The following USP15 variants were observed in gnomAD, a reference collection of about 807,000 sequenced individuals.
USP15 encodes the protein ubiquitin specific peptidase 15, also known as ubiquitin carboxyl-terminal hydrolase 15.
Under a neutral mutation model 127.1 loss-of-function variants are expected in USP15, and 18 were observed. The ratio of observed to expected loss-of-function variants is 0.14; its 90% CI spans 0.10 to 0.21. The LOEUF (loss-of-function observed/expected upper bound fraction) is 0.21. Among genes scored for constraint, USP15 ranks in the 10% least tolerant of loss-of-function variants. The pLI, the probability that USP15 is intolerant of heterozygous loss-of-function variation, is 1.00. For synonymous variants in USP15, 364 were observed against 393.7 expected (o/e 0.92, Z 0.89); for missense variants, 805 against 1,159.9 (o/e 0.69, Z 4.44).
At chr12:62,384,979 T>C (rs2067102796) in intron 11 of USP15, among the ~76,000 whole-genome samples, 1 of 151,928 alleles carries the variant, frequency 6.6e-6, no homozygotes, top group Non-Finnish European at 1.5e-5. Context: ...TTAATCCTCT[T>C]CTGACACTTG....
chr12:62,373,888 C>A (rs573847692), intron 8 of USP15, among the ~76,000 whole-genome samples: 1 of 151,936 alleles, frequency 6.6e-6, no homozygotes, highest in South Asian at 2.1e-4. Context: ...TTTTAAAAAT[C>A]TGCTTGATGA....
At chr12:62,314,738 G>A in intron 3 of USP15, 52 bp from the exon 4 acceptor site, 2 of 1,400,014 alleles carry the variant, frequency 1.4e-6, no homozygotes, top group South Asian at 1.9e-5. Context: ...TGTTATTAGA[G>A]TGAAATATAT....
At chr12:62,346,499 TTGA>T (rs1158365515) in intron 6 of USP15, among the ~76,000 whole-genome samples, 1 of 152,178 alleles carries the variant, frequency 6.6e-6, no homozygotes, top group Non-Finnish European at 1.5e-5. Context: ...AAAAAGGGTC[TTGA>T]TGACCCCCAG....
At position 62,408,902 on chromosome 12, in the gene USP15, C is replaced by T. The variant is rs1565927628; in HGVS notation, c.*4527C>T. On this transcript the variant is annotated 3_prime_UTR_variant, in exon 22 of 22. Transcript: ENST00000280377. Reference sequence around the variant, plus strand: ...ATTTACTATATATTAAAAGAATTTCCAAATAGCTCAGATAAGAAAACTTTG... The same window carrying T: ...ATTTACTATATATTAAAAGAATTTCTAAATAGCTCAGATAAGAAAACTTTG... 1 of 151,758 alleles carries T rather than the reference C, an allele frequency of 6.6e-6. No individual in the cohort carries two copies. Among genetic ancestry groups the T allele is most frequent in the African/African-American group, 2.4e-5 (1 of 41,310 alleles). The allele number at this position is 151,758 out of a possible 1,614,324, so 9.4% of individuals were successfully genotyped here.
chr12:62,391,575 T>C (rs2067326937), intron 16 of USP15, 146 bp downstream of exon 16: 1 of 1,052,604 alleles, frequency 9.5e-7, no homozygotes, highest in African/African-American at 1.6e-5. Context: ...ACTTAATATC[T>C]AAGTAGACTA....
rs370322488 is a variant in USP15, at chr12:62,365,200, C to T, written c.915+9725C>T. ...CAGTGTAAAAGCATTCCTATTTCTC[C>T]ACATCCTTTCCAGCATCTGTTGTTT... On this transcript the variant is annotated intron_variant, in intron 8 of 21. Coordinates refer to ENST00000280377, the MANE Select transcript of USP15 (RefSeq NM_001252078.2). Among the ~76,000 whole-genome samples the T allele has an allele frequency of 6.6e-5, 10 of 152,160 alleles. No homozygotes were observed. The South Asian group carries it at 1.7e-3, about 25-fold the overall frequency.
intron 8 of USP15, among the ~76,000 whole-genome samples, chr12:62,364,082 C>T (rs12310616): frequency 0.33 from 49,786 of 151,746 alleles, 8,609 homozygotes; most frequent in African/African-American, 0.45. Flanking sequence ...ATCTGCGTGT[C>T]GTAGGTGGTG....
intron 1 of USP15, among the ~76,000 whole-genome samples, chr12:62,273,135 AAAGTCC>A (rs530560538): frequency 0.022 from 3,342 of 152,072 alleles, 123 homozygotes; most frequent in African/African-American, 0.075. Flanking sequence ...CAAAATTCCC[AAAGTCC>A]TTCTGGCCTT....
chr12:62,386,302 G>C (rs1372115248), intron 11 of USP15, among the ~76,000 whole-genome samples: 1 of 151,710 alleles, frequency 6.6e-6, no homozygotes, highest in Non-Finnish European at 1.5e-5. Flanking sequence ...TATTTGTTGA[G>C]TTTTCCCGTC....
intron 11 of USP15, among the ~76,000 whole-genome samples, chr12:62,385,417 C>CA (rs2067117172): frequency 6.6e-6 from 1 of 151,922 alleles, no homozygotes; most frequent in South Asian, 2.1e-4. Context: ...TCAACAAAGA[C>CA]AGGGTATATG....
chr12:62,409,605 T>TA lies in USP15; in HGVS notation c.*5231dup, dbSNP rs1176385236. On this transcript the variant is annotated 3_prime_UTR_variant, in exon 22 of 22. Coordinates refer to ENST00000280377, the MANE Select transcript of USP15 (RefSeq NM_001252078.2). ...TGTCAGGAACTTGCAGCTTGTTCTA[T>TA]ATAGTTTGGTGAAACAAACAAAACA... 1.3e-5 allele frequency: 2 copies of TA among 152,198 alleles called. No homozygotes were observed. The highest frequency in any genetic ancestry group is 4.8e-5 in the African/African-American group (2 of 41,472). The allele number at this position is 152,198 out of a possible 1,614,324, so 9.4% of individuals were successfully genotyped here.
intron 3 of USP15, chr12:62,305,855 T>C (rs2064470288): frequency 1.3e-5 from 2 of 152,200 alleles, no homozygotes; most frequent in South Asian, 4.1e-4. Context: ...TCATGGTACA[T>C]CGCTTTCGAG....
At chr12:62,307,762 T>C (rs2064528534) in intron 3 of USP15, among the ~76,000 whole-genome samples, 1 of 152,108 alleles carries the variant, frequency 6.6e-6, no homozygotes, top group African/African-American at 2.4e-5. Flanking sequence ...TTAGTAGCCA[T>C]CTTGGTTATC....
intron 6 of USP15, among the ~76,000 whole-genome samples, chr12:62,348,910 C>G (rs1273283292): frequency 2.0e-5 from 3 of 151,856 alleles, no homozygotes; most frequent in African/African-American, 7.3e-5. Flanking sequence ...GGAAATTGAT[C>G]GTAAAATGTT....
intron 1 of USP15, among the ~76,000 whole-genome samples, chr12:62,280,138 T>G (rs1362534367): frequency 1.3e-5 from 2 of 152,172 alleles, no homozygotes; most frequent in Non-Finnish European, 2.9e-5. Context: ...ATATTAGTGA[T>G]TTTGTTATTA....
At chr12:62,367,142 C>T (rs117977260) in intron 8 of USP15, among the ~76,000 whole-genome samples, 4,557 of 152,106 alleles carry the variant, frequency 0.03, 88 homozygotes, top group Middle Eastern at 0.065. Context: ...TGGTAGAATT[C>T]GGCTATGAAT....
At chr12:62,268,677 C>T (rs1307967707) in intron 1 of USP15, among the ~76,000 whole-genome samples, 1 of 152,144 alleles carries the variant, frequency 6.6e-6, no homozygotes, top group African/African-American at 2.4e-5. Flanking sequence ...CTAAAACCAC[C>T]TCTAATCTCA....
chr12:62,385,525 T>G (rs2137587103), intron 11 of USP15, among the ~76,000 whole-genome samples: 2 of 152,128 alleles, frequency 1.3e-5, no homozygotes, highest in South Asian at 4.1e-4. Context: ...AATTTGTTTT[T>G]CTGCTGCTTT....
chr12:62,403,369 G>A (rs147355140), intron 21 of USP15, among the ~76,000 whole-genome samples: 2 of 152,160 alleles, frequency 1.3e-5, no homozygotes, highest in Admixed American at 6.5e-5. Context: ...TAGGAGATCT[G>A]AGTAGTGTTG....
Sources: allele counts gnomAD v4.1 joint callset (sites outside exome capture counted in the v4.1 genomes callset), GRCh38; gene constraint gnomAD v4.1.1; transcripts MANE v1.5; gene names NCBI Gene and HGNC (gene_info 2026-07-23, HGNC 2026-07-21).